The following SIGLEC1 variants were observed in gnomAD, a reference collection of about 807,000 sequenced individuals.
SIGLEC1 encodes the protein sialic acid binding Ig like lectin 1.
In SIGLEC1, 132 loss-of-function variants were observed where a neutral mutation model predicts 148.0. The ratio of observed to expected loss-of-function variants is 0.89; its 90% CI spans 0.77 to 1.03. The LOEUF (loss-of-function observed/expected upper bound fraction) is 1.03. SIGLEC1 is among the 50% of genes least tolerant of loss of function. The pLI, the probability that SIGLEC1 is intolerant of heterozygous loss-of-function variation, is 0.00. For missense variants in SIGLEC1, 2,253 were observed against 2,271.4 expected, an observed-to-expected ratio of 0.99 and a Z score of 0.16; for synonymous variants, 945 against 969.0, an observed-to-expected ratio of 0.98 and a Z score of 0.46.
At position 3,694,329 on chromosome 20, in the gene SIGLEC1, G is replaced by C. The variant is rs1459471871; in HGVS notation, c.3148C>G (p.Leu1050Val). ...RLHVAVAPNT[L>V]RLEIHGAMLE... ...ATAGCCCCGTGGATCTCCAGACGCAGTGTGTTGGGGGCCACAGCCACATGC... is the reference window on the plus strand; with the variant it reads ...ATAGCCCCGTGGATCTCCAGACGCACTGTGTTGGGGGCCACAGCCACATGC... The change falls in exon 13 of 22, where the codon CTG (leucine) becomes GTG (valine). Residue 1050 changes from leucine (L) to valine (V), a missense_variant. Physicochemically the swap from Leu to Val is conservative, Grantham distance 32. Coordinates refer to ENST00000344754, the MANE Select transcript of SIGLEC1 (RefSeq NM_023068.4). 1 of 1,613,232 alleles carries C rather than the reference G, an allele frequency of 6.2e-7. No individual in the cohort carries two copies. The highest frequency in any genetic ancestry group is 8.5e-7 in the Non-Finnish European group (1 of 1,180,026).
chr20:3,692,154 C>T lies in SIGLEC1; in HGVS notation c.4079G>A (p.Arg1360Lys). 2.5e-6 allele frequency: 4 copies of T among 1,586,074 alleles called. No homozygotes were observed. The highest frequency in any genetic ancestry group is 3.4e-6 in the Non-Finnish European group (4 of 1,165,266). ...AGTGCACTGTATCACAGCCATGGATCTGGCCCTGGAGTCCCGGAAGGAGGA... is the reference window on the plus strand; with the variant it reads ...AGTGCACTGTATCACAGCCATGGATTTGGCCCTGGAGTCCCGGAAGGAGGA... ...VLSSFRDSRA[R>K]SMAVIQCTVD... Residue 1360 changes from arginine to lysine, a missense_variant, in exon 17 of 22, where the codon AGA becomes AAA. Coordinates refer to ENST00000344754, the MANE Select transcript of SIGLEC1 (RefSeq NM_023068.4).
intron 5 of SIGLEC1, 63 bp downstream of exon 5, chr20:3,703,762 C>T (rs955466673): frequency 5.6e-6 from 9 of 1,596,216 alleles, no homozygotes; most frequent in Non-Finnish European, 6.8e-6. Flanking sequence ...GTCTCCCCTC[C>T]GTCCCTGAGG....
chr20:3,691,670 C>T (rs1396751882), intron 17 of SIGLEC1, 70 bp from the exon 18 acceptor site: 1 of 1,554,228 alleles, frequency 6.4e-7, no homozygotes, highest in East Asian at 2.3e-5. Flanking sequence ...TGGGTGGGAC[C>T]TCTGAGGGGC....
In SIGLEC1 at chr20:3,705,816, C is replaced by A. The variant is rs776149157; in HGVS notation, c.634G>T (p.Gly212Cys). The A allele has an allele frequency of 6.2e-7, 1 of 1,614,026 alleles. No individual in the cohort carries two copies. The highest frequency in any genetic ancestry group is 1.1e-5 in the South Asian group (1 of 91,082). Residue 212 changes from glycine to cysteine, a missense_variant, in exon 4 of 22, where the codon GGC becomes TGC. By Grantham distance (159) the Gly-to-Cys change is radical. Transcript: ENST00000344754. ...LHMAMSWQDH[G>C]RILRCQLSVA... ...GAGAGCTGGCAGCGCAGGATCCGGCCGTGGTCCTGCCAGGACATGGCCATG... is the reference window on the plus strand; with the variant it reads ...GAGAGCTGGCAGCGCAGGATCCGGCAGTGGTCCTGCCAGGACATGGCCATG...
chr20:3,696,129 T>TATATATATATACACACACACACACAC (rs11087599), intron 11 of SIGLEC1, among the ~76,000 whole-genome samples: 1 of 142,426 alleles, frequency 7.0e-6, no homozygotes, highest in African/African-American at 2.7e-5. Context: ...ACTATATATA[T>TATATATATATACACACACACACACAC]ACACACACAC....
chr20:3,698,984 G>A lies in SIGLEC1; in HGVS notation c.1786+218C>T, dbSNP rs370289253. On this transcript the variant is annotated intron_variant, in intron 8 of 21. Transcript: ENST00000344754. ...AGGCTGGGACAGAGGAGCCCACAGG[G>A]CTGGCATTGGAGGGTAAAGACATGG... Among the ~76,000 whole-genome samples, 3 of 152,350 alleles carry A rather than the reference G, an allele frequency of 2.0e-5. No individual in the cohort carries two copies. The East Asian group carries it at 5.8e-4, about 29-fold the overall frequency.
chr20:3,698,068 G>C lies in SIGLEC1; in HGVS notation c.1852C>G (p.Arg618Gly), dbSNP rs558364870. ...DLDAAGAGAG[R>G]RGLLLCRVDS... is the part of the protein sequence containing the mutation. ...ACACGGCACAAAAGGAGGCCTCGCC[G>C]TCCAGCCCCGGCCCCAGCGGCATCA... Residue 618 changes from arginine (R) to glycine (G), a missense_variant, in exon 9 of 22, where the codon CGG (arginine) becomes GGG (glycine). Transcript: ENST00000344754. 1 of 1,606,986 alleles carries C rather than the reference G, an allele frequency of 6.2e-7. No individual in the cohort carries two copies. The highest frequency in any genetic ancestry group is 8.5e-7 in the Non-Finnish European group (1 of 1,177,854).
Position 3,694,524 on chromosome 20 carries a change from G to A in SIGLEC1, c.2953C>T (p.Arg985Cys), listed in dbSNP as rs149531553. The A allele has an allele frequency of 2.2e-5, 34 of 1,558,126 alleles. No homozygotes were observed. Among genetic ancestry groups the A allele is most frequent in the East Asian group, 6.9e-5 (3 of 43,304 alleles). ...ATCAGGGTAGTGAGTGTGACGTGGC[G>A]TGGGGCATCTACACAGGGTGGGGAG... Reference protein sequence around the residue: ...PISLHVSYAPRHVTLTTLMDT... With the variant: ...PISLHVSYAPCHVTLTTLMDT... The change falls in exon 13 of 22, where the codon CGC (arginine) becomes TGC (cysteine). Residue 985 changes from arginine to cysteine, a missense_variant. Physicochemically the swap from Arg to Cys is radical, Grantham distance 180. Coordinates refer to ENST00000344754, the MANE Select transcript of SIGLEC1 (RefSeq NM_023068.4).
At chr20:3,701,785 G>A in intron 6 of SIGLEC1, 144 bp from the exon 7 acceptor site, 2 of 769,106 alleles carry the variant, frequency 2.6e-6, no homozygotes, top group Non-Finnish European at 3.9e-6. Context: ...AGTGCCTGCT[G>A]AATACACTTT....
In SIGLEC1 at chr20:3,691,601, C is replaced by G; in HGVS notation, c.4331-1G>C. 1 of 1,611,148 alleles carries G rather than the reference C, an allele frequency of 6.2e-7. No individual in the cohort carries two copies. ...CCAGGCTCTGCCACCACGCGTGCAC[C>G]TGCGGGCGGAGGATAGAGAGATGAT... On this transcript the variant is annotated splice_acceptor_variant, in intron 17 of 21. Transcript: ENST00000344754. LOFTEE classifies it high-confidence loss of function.
In SIGLEC1 at chr20:3,706,637, G is replaced by T. The variant is rs1440879984; in HGVS notation, c.119C>A (p.Pro40His). The T allele has an allele frequency of 6.3e-7, 1 of 1,583,300 alleles. No homozygotes were observed. Among genetic ancestry groups the T allele is most frequent in the South Asian group, 1.1e-5 (1 of 87,544 alleles). The change falls in exon 3 of 22, where the codon CCC becomes CAC. Residue 40 changes from proline (P) to histidine (H), a missense_variant. By Grantham distance (77) the Pro-to-His change is moderately conservative (BLOSUM62 -2). Transcript: ENST00000344754. The stretch of plus-strand genomic sequence containing the variant: ...GTCGGCAGGGAAGCTGAAGATGCAG[G>T]GGATAAGCAGGCAAGACCCCTTCAC... ...QGVKGSCLLI[P>H]CIFSFPADVE...
intron 7 of SIGLEC1, among the ~76,000 whole-genome samples, chr20:3,700,274 C>T (rs2087840461): frequency 6.6e-6 from 1 of 151,834 alleles, no homozygotes; most frequent in Admixed American, 6.6e-5. Context: ...TGCGCCACCA[C>T]ACCCGGCTAA....
intron 11 of SIGLEC1, among the ~76,000 whole-genome samples, chr20:3,695,194 C>A (rs1025930575): frequency 6.6e-6 from 1 of 152,198 alleles, no homozygotes; most frequent in African/African-American, 2.4e-5. Context: ...AAAGCGTAAG[C>A]CTTATGGGCA....
In SIGLEC1 at chr20:3,692,524, G is replaced by A. The variant is rs1183710482; in HGVS notation, c.4027C>T (p.Leu1343Phe). The change falls in exon 16 of 22, where the codon CTC (leucine) becomes TTC (phenylalanine). Residue 1343 changes from leucine (L) to phenylalanine (F), a missense_variant. Transcript: ENST00000344754. ...RSSRPAALQV[L>F]YAPQDAVLSS... ...TGGCCAAGGACCCTCTGCTCACAGA[G>A]GACTTGCAGGGCAGCAGGACGGGAG... is the stretch of plus-strand genomic sequence containing the variant. The A allele has an allele frequency of 6.3e-7, 1 of 1,590,778 alleles. No individual in the cohort carries two copies. Among genetic ancestry groups the A allele is most frequent in the Non-Finnish European group, 8.5e-7 (1 of 1,173,944 alleles).
rs921767658 is a variant in SIGLEC1 at position 3,687,828 on chromosome 20, T to C, written c.*732A>G. The C allele has an allele frequency of 1.3e-5, 2 of 152,676 alleles. No individual in the cohort carries two copies. Among genetic ancestry groups the C allele is most frequent in the Non-Finnish European group, 2.9e-5 (2 of 68,296 alleles). The allele number at this position is 152,676 out of a possible 1,614,324, so 9.5% of individuals were successfully genotyped here. ...TAAAAACTACATTTCCCAGTCTCCC[T>C]TGTAGCTTGCAGTAGCCATGTGACA... On this transcript the variant is annotated 3_prime_UTR_variant, in exon 22 of 22. Transcript: ENST00000344754.
At position 3,696,760 on chromosome 20, in the gene SIGLEC1, C is replaced by G. The variant is rs202063172; in HGVS notation, c.2509G>C (p.Ala837Pro). Residue 837 changes from alanine (A) to proline (P), a missense_variant, in exon 11 of 22, where the codon GCC becomes CCC. Ala to Pro is a conservative substitution (Grantham distance 27). Transcript: ENST00000344754. ...LALFHGEHLL[A>P]TSLGPQVPSH... ...GGGACCTGGGGACCCAGGCTGGTGG[C>G]CAGGAGGTGCTCCCCATGGAACAAG... 1.9e-6 allele frequency: 3 copies of G among 1,612,992 alleles called. No individual in the cohort carries two copies. Among genetic ancestry groups the G allele is most frequent in the South Asian group, 1.1e-5 (1 of 91,014 alleles).
At chr20:3,694,174 GAC>G (rs59383643) in intron 13 of SIGLEC1, 45 bp downstream of exon 13, 155,157 of 1,144,498 alleles carry the variant, frequency 0.14, 456 homozygotes, top group East Asian at 0.2. Flanking sequence ...TCTTTTAAAG[GAC>G]ACACACACAC....
At position 3,694,402 on chromosome 20, in the gene SIGLEC1, G is replaced by A. The variant is rs763552586; in HGVS notation, c.3075C>T (p.Ala1025=). The change falls in exon 13 of 22, where the codon GCC becomes GCT. Residue 1025 remains alanine, a synonymous_variant. Transcript: ENST00000344754. ...LRLLHGDRLV[A]STLQGVGGPE... ...GTCCCCCCACACCTTGTAGGGTGGA[G>A]GCCACAAGGCGATCCCCGTGGAGCA... 1.2e-6 allele frequency: 2 copies of A among 1,613,064 alleles called. No homozygotes were observed. Among genetic ancestry groups the A allele is most frequent in the Non-Finnish European group, 8.5e-7 (1 of 1,179,714 alleles).
chr20:3,712,369 C>CA (rs1163194732), intron 1 of SIGLEC1, among the ~76,000 whole-genome samples, 101 bp downstream of exon 1: 2 of 151,594 alleles, frequency 1.3e-5, no homozygotes, highest in East Asian at 1.9e-4. Flanking sequence ...GATGGAGCCC[C>CA]CCCCCGACCC....
Sources: gnomAD v4.1 joint callset for allele counts (sites outside exome capture counted in the v4.1 genomes callset) on GRCh38, gnomAD v4.1.1 for gene constraint, MANE v1.5 for transcripts, NCBI Gene and HGNC (gene_info 2026-07-23, HGNC 2026-07-21) for gene names.